Variants in NHEJ1 observed in about 807,000 individuals in gnomAD.
NHEJ1 encodes non-homologous end joining factor 1.
A neutral mutation model predicts 39.4 loss-of-function variants in NHEJ1; 22 were observed. That is an observed-to-expected ratio of 0.56 (90% CI 0.40 to 0.80). The LOEUF (loss-of-function observed/expected upper bound fraction) is 0.80, where lower values mean the gene tolerates loss of function less well. Ranked by LOEUF, NHEJ1 falls within the 30% of genes least tolerant of loss-of-function variation. NHEJ1 has a pLI of 0.00. For missense variants in NHEJ1, 329 were observed against 357.1 expected (o/e 0.92, Z 0.63); for synonymous variants, 154 against 135.6 (o/e 1.14, Z -0.94).
rs1329113761 is a variant in NHEJ1 at position 219,070,677 on chromosome 2, TCTTTC to T, written c.*5699_*5703del. On this transcript the variant is annotated 3_prime_UTR_variant, in exon 8 of 8. Transcript: ENST00000356853. ...AGCACAATCCAGACACTCAATCTTT[TCTTTC>T]TTTTTTTTTTTTAATTCAAAATACC... Among the ~76,000 whole-genome samples, 4 of 151,310 alleles carry T rather than the reference TCTTTC, an allele frequency of 2.6e-5. No homozygotes were observed. Among genetic ancestry groups the T allele is most frequent in the African/African-American group, 7.3e-5 (3 of 40,896 alleles).
intron 5 of NHEJ1, among the ~76,000 whole-genome samples, chr2:219,134,725 G>A (rs1459301254): frequency 6.6e-6 from 1 of 152,026 alleles, no homozygotes. Flanking sequence ...ATTCTCACTT[G>A]TACGTCCCAT....
At chr2:219,099,161 A>G (rs1384264129) in intron 5 of NHEJ1, among the ~76,000 whole-genome samples, 4 of 152,136 alleles carry the variant, frequency 2.6e-5, no homozygotes, top group Non-Finnish European at 5.9e-5. Context: ...GAGAAGTGCA[A>G]TGATTGGTGA....
At position 219,152,789 on chromosome 2, in the gene NHEJ1, T is replaced by TTATTTATTTA. The variant is rs60094718; in HGVS notation, c.390+4682_390+4683insTAAATAAATA. Among the ~76,000 whole-genome samples, 526 of 87,772 alleles carry TTATTTATTTA rather than the reference T, an allele frequency of 6.0e-3. 5 individuals carry two copies. The highest frequency in any genetic ancestry group is 0.017 in the African/African-American group (484 of 28,092). The allele number at this position is 87,772 out of a possible 152,430, so 57.6% of individuals were successfully genotyped here. A position where few individuals can be genotyped will look rare whatever the true frequency, so the allele number is the denominator to read the frequency against. On this transcript the variant is annotated intron_variant, in intron 3 of 7. Transcript: ENST00000356853. The stretch of plus-strand genomic sequence containing the variant: ...GGATCTCTTTCATTTATTTATTTAT[T>TTATTTATTTA]TTTATTTATTTATTTATTTATTTAT...
chr2:219,131,770 G>C (rs111363856), intron 5 of NHEJ1, among the ~76,000 whole-genome samples: 3 of 152,312 alleles, frequency 2.0e-5, no homozygotes, highest in African/African-American at 7.2e-5. Flanking sequence ...GGCAAGAAAG[G>C]AATGTGGAAT....
rs1285334150 is a variant in NHEJ1, at chr2:219,087,768, T to A, written c.589-9562A>T. On this transcript the variant is annotated intron_variant, in intron 5 of 7. Transcript: ENST00000356853. ...ACCATAAAGGAAAAGGTTGATAAATTGGACTAGATTAAAATTAAGAACTTC... is the reference window on the plus strand; with the variant it reads ...ACCATAAAGGAAAAGGTTGATAAATAGGACTAGATTAAAATTAAGAACTTC... Among the ~76,000 whole-genome samples, 4 of 152,180 alleles carry A rather than the reference T, an allele frequency of 2.6e-5. No individual in the cohort carries two copies. In the East Asian group the frequency reaches 7.7e-4, roughly 29 times the overall value.
rs1371220592 is a variant in NHEJ1 at position 219,072,531 on chromosome 2, G to A, written c.*3850C>T. ...GAGCTTAGAAAAACATATCCTGATT[G>A]TATCAAAACCTAGTTGACATAAAAT... is the stretch of plus-strand genomic sequence containing the variant. On this transcript the variant is annotated 3_prime_UTR_variant, in exon 8 of 8. Coordinates refer to ENST00000356853, the MANE Select transcript of NHEJ1 (RefSeq NM_024782.3). 6.6e-6 allele frequency among the ~76,000 whole-genome samples: 1 copy of A among 152,118 alleles called. No homozygotes were observed. Among genetic ancestry groups the A allele is most frequent in the African/African-American group, 2.4e-5 (1 of 41,420 alleles).
intron 5 of NHEJ1, among the ~76,000 whole-genome samples, chr2:219,080,435 G>A (rs1245889115): frequency 2.0e-5 from 3 of 151,864 alleles, no homozygotes; most frequent in Admixed American, 2.0e-4. Flanking sequence ...TGAGGCAGCA[G>A]AACGGCGTGA....
intron 5 of NHEJ1, among the ~76,000 whole-genome samples, chr2:219,114,311 G>A (rs1384729936): frequency 6.6e-6 from 1 of 152,152 alleles, no homozygotes; most frequent in Non-Finnish European, 1.5e-5. Context: ...CCCCACAGAG[G>A]ATTTCTAGTT....
At chr2:219,113,412 T>C (rs889094331) in intron 5 of NHEJ1, among the ~76,000 whole-genome samples, 1 of 152,162 alleles carries the variant, frequency 6.6e-6, no homozygotes, top group African/African-American at 2.4e-5. Context: ...ATCCTCCAGG[T>C]AGGGACCAGC....
At chr2:219,141,674 T>C (rs1949693311) in intron 5 of NHEJ1, among the ~76,000 whole-genome samples, 1 of 152,054 alleles carries the variant, frequency 6.6e-6, no homozygotes, top group African/African-American at 2.4e-5. Flanking sequence ...CAGGTGGAAA[T>C]GCCAAACATG....
intron 2 of NHEJ1, 61 bp from the exon 3 acceptor site, chr2:219,157,745 T>C (rs1023502786): frequency 9.3e-6 from 13 of 1,392,832 alleles, no homozygotes; most frequent in Non-Finnish European, 1.2e-5. Context: ...CCCTCATAAG[T>C]AACAGCAAAG....
chr2:219,081,542 T>C (rs984443737), intron 5 of NHEJ1, among the ~76,000 whole-genome samples: 1 of 152,206 alleles, frequency 6.6e-6, no homozygotes, highest in Admixed American at 6.5e-5. Context: ...GAGTCTACTA[T>C]GTGCCAGGCA....
chr2:219,130,166 G>A (rs1270466318), intron 5 of NHEJ1, among the ~76,000 whole-genome samples: 1 of 151,586 alleles, frequency 6.6e-6, no homozygotes, highest in Non-Finnish European at 1.5e-5. Context: ...TCCTATGAAA[G>A]GGGGTATAGA....
At chr2:219,156,321 T>G (rs1219975984) in intron 3 of NHEJ1, among the ~76,000 whole-genome samples, 4 of 152,174 alleles carry the variant, frequency 2.6e-5, no homozygotes, top group African/African-American at 7.2e-5. Context: ...TATCCAGTCA[T>G]CTATTGATGC....
intron 5 of NHEJ1, among the ~76,000 whole-genome samples, chr2:219,087,311 A>C (rs1949120466): frequency 1.3e-5 from 2 of 152,230 alleles, no homozygotes; most frequent in Non-Finnish European, 2.9e-5. Context: ...GCTATAAGGC[A>C]GATAGTCTGG....
chr2:219,091,510 A>C (rs1949159834), intron 5 of NHEJ1, among the ~76,000 whole-genome samples: 1 of 152,016 alleles, frequency 6.6e-6, no homozygotes, highest in African/African-American at 2.4e-5. Context: ...AAATGACTGA[A>C]CTGGAAGTGC....
intron 5 of NHEJ1, among the ~76,000 whole-genome samples, chr2:219,131,035 T>C (rs1368811211): frequency 6.6e-6 from 1 of 152,118 alleles, no homozygotes; most frequent in Non-Finnish European, 1.5e-5. Flanking sequence ...AAGTCTGCAG[T>C]AAGCAATGAT....
At chr2:219,125,432 T>A (rs1447613985) in intron 5 of NHEJ1, 1 of 152,318 alleles carries the variant, frequency 6.6e-6, no homozygotes, top group Non-Finnish European at 1.5e-5. Context: ...AGCCTTCTCC[T>A]CCTCCACCCC....
rs895891777 is a variant in NHEJ1, at chr2:219,111,480, C to T, written c.589-33274G>A. ...TAAACAGTCTTCTCTGTCCCCTGACCCCTAGAAAAAATCTAGTTATCCCAC... is the reference window on the plus strand; with the variant it reads ...TAAACAGTCTTCTCTGTCCCCTGACTCCTAGAAAAAATCTAGTTATCCCAC... On this transcript the variant is annotated intron_variant, in intron 5 of 7. Coordinates refer to ENST00000356853, the MANE Select transcript of NHEJ1 (RefSeq NM_024782.3). The surrounding 1 kb of genome is among the most constrained non-coding windows in gnomAD (Gnocchi z 4.1). Among the ~76,000 whole-genome samples, 3 of 152,176 alleles carry T rather than the reference C, an allele frequency of 2.0e-5. No individual in the cohort carries two copies. Among genetic ancestry groups the T allele is most frequent in the Admixed American group, 1.3e-4 (2 of 15,272 alleles).
Sources: gnomAD v4.1 joint callset for allele counts (sites outside exome capture counted in the v4.1 genomes callset) on GRCh38, gnomAD v4.1.1 for gene constraint, Gnocchi (gnomAD v3.1) non-coding constraint, MANE v1.5 for transcripts, NCBI Gene and HGNC (gene_info 2026-07-23, HGNC 2026-07-21) for gene names.